Variants in C1orf94 observed in about 807,000 individuals in gnomAD.
C1orf94 encodes the protein chromosome 1 open reading frame 94, also known as uncharacterized protein C1orf94.
A neutral mutation model predicts 53.6 loss-of-function variants in C1orf94; 45 were observed. The observed-to-expected ratio is 0.84, with a 90% CI of 0.66 to 1.08. The LOEUF (loss-of-function observed/expected upper bound fraction) is 1.08. Ranked by LOEUF, C1orf94 falls within the 50% of genes least tolerant of loss-of-function variation. C1orf94 has a pLI of 0.00. For synonymous variants in C1orf94, 304 were observed against 296.1 expected, an observed-to-expected ratio of 1.03 and a Z score of -0.27; for missense variants, 762 against 738.9, an observed-to-expected ratio of 1.03 and a Z score of -0.36.
chr1:34,205,153 T>C (rs1281713105), intron 4 of C1orf94, among the ~76,000 whole-genome samples: 1 of 152,216 alleles, frequency 6.6e-6, no homozygotes, highest in African/African-American at 2.4e-5. Context: ...GACGGTCCTC[T>C]GTCTTTAGCA....
chr1:34,208,129 G>A, intron 4 of C1orf94, 28 bp from the exon 5 acceptor site: 1 of 1,611,576 alleles, frequency 6.2e-7, no homozygotes, highest in Non-Finnish European at 8.5e-7. Flanking sequence ...CCCTTGCCTG[G>A]CCATACTGAG....
At position 34,208,224 on chromosome 1, in the gene C1orf94, A is replaced by G. The variant is rs766297459; in HGVS notation, c.1514A>G (p.Tyr505Cys). The G allele has an allele frequency of 1.9e-6, 3 of 1,613,598 alleles. No individual in the cohort carries two copies. The highest frequency in any genetic ancestry group is 1.3e-5 in the African/African-American group (1 of 74,872). ...QQALHPQLGC[Y>C]SQQVMPYNPQ... ...GCTTTGCACCCGCAGCTGGGATGTT[A>G]CTCCCAACAGGTGAGTAGACGATCT... Residue 505 changes from tyrosine (Y) to cysteine (C), a missense_variant, in exon 5 of 7, where the codon TAC becomes TGC. By Grantham distance (194) the Tyr-to-Cys change is radical (BLOSUM62 -2). Coordinates refer to ENST00000488417, the MANE Select transcript of C1orf94 (RefSeq NM_001134734.2).
At chr1:34,214,731 C>T (rs375664094) in intron 6 of C1orf94, among the ~76,000 whole-genome samples, 4 of 151,970 alleles carry the variant, frequency 2.6e-5, no homozygotes, top group Non-Finnish European at 5.9e-5. Flanking sequence ...CTGCAGAGGT[C>T]GGAGGAGTGG....
At chr1:34,189,116 G>A (rs1182623177) in intron 1 of C1orf94, among the ~76,000 whole-genome samples, 2 of 151,998 alleles carry the variant, frequency 1.3e-5, no homozygotes, top group Non-Finnish European at 2.9e-5. Context: ...ATGGATGTGT[G>A]TTCATGTGTG....
At chr1:34,203,199 A>T (rs1187191085) in intron 4 of C1orf94, among the ~76,000 whole-genome samples, 2 of 152,144 alleles carry the variant, frequency 1.3e-5, no homozygotes, top group Non-Finnish European at 2.9e-5. Flanking sequence ...GTGCAGTGGC[A>T]TGACCTTGGC....
chr1:34,172,612 T>A (rs557710948), upstream of C1orf94, among the ~76,000 whole-genome samples: 1 of 152,268 alleles, frequency 6.6e-6, no homozygotes, highest in Admixed American at 6.5e-5. Context: ...CCTCCTCTCA[T>A]GTGGGCAAGG....
intron 1 of C1orf94, among the ~76,000 whole-genome samples, chr1:34,193,138 C>T (rs921630183): frequency 2.0e-5 from 3 of 151,862 alleles, no homozygotes; most frequent in Non-Finnish European, 2.9e-5. Context: ...AACTATATGG[C>T]GAATCTCGAT....
chr1:34,201,643 T>C (rs1309734880), intron 3 of C1orf94, among the ~76,000 whole-genome samples: 1 of 152,246 alleles, frequency 6.6e-6, no homozygotes, highest in Admixed American at 6.5e-5. Context: ...TTTCTTAGTG[T>C]TGCCAAATAT....
intron 1 of C1orf94, among the ~76,000 whole-genome samples, chr1:34,183,957 T>C (rs776122020): frequency 2.0e-5 from 3 of 152,142 alleles, no homozygotes; most frequent in Non-Finnish European, 4.4e-5. Context: ...TTATGAACTT[T>C]CAACATCTTG....
intron 1 of C1orf94, among the ~76,000 whole-genome samples, chr1:34,185,428 G>C (rs1380170651): frequency 6.6e-6 from 1 of 152,104 alleles, no homozygotes; most frequent in Non-Finnish European, 1.5e-5. Context: ...GATCCACCTG[G>C]CTTGGCCTCT....
At position 34,178,113 on chromosome 1, in the gene C1orf94, A is replaced by T; in HGVS notation, c.320+4A>T. The T allele has an allele frequency of 1.9e-6, 3 of 1,550,520 alleles. No individual in the cohort carries two copies. The highest frequency in any genetic ancestry group is 1.4e-5 in the African/African-American group (1 of 73,146). On this transcript the variant is annotated splice_donor_region_variant and intron_variant, in intron 1 of 6. Coordinates refer to ENST00000488417, the MANE Select transcript of C1orf94 (RefSeq NM_001134734.2). Reference sequence around the variant, plus strand: ...ATGAGCTCAGCTTTCAAGAAGAGTAAGTACCCCCCTACTCCATTGGCAGCA... The same window carrying T: ...ATGAGCTCAGCTTTCAAGAAGAGTATGTACCCCCCTACTCCATTGGCAGCA...
intron 1 of C1orf94, among the ~76,000 whole-genome samples, chr1:34,183,912 A>G (rs950065738): frequency 6.6e-6 from 1 of 152,100 alleles, no homozygotes; most frequent in Admixed American, 6.6e-5. Context: ...AAAAAATACA[A>G]TGGTGGAAAA....
chr1:34,184,582 C>T (rs1642358012), intron 1 of C1orf94, among the ~76,000 whole-genome samples: 1 of 152,218 alleles, frequency 6.6e-6, no homozygotes, highest in East Asian at 1.9e-4. Flanking sequence ...TGATTGGCAG[C>T]TTTCTGAGGC....
chr1:34,189,486 C>A (rs921436316), intron 1 of C1orf94, among the ~76,000 whole-genome samples: 5 of 152,134 alleles, frequency 3.3e-5, no homozygotes, highest in African/African-American at 1.2e-4. Flanking sequence ...ACCTCCCTTG[C>A]TTCCACACTG....
chr1:34,198,187 T>C (rs1214117185), intron 2 of C1orf94, among the ~76,000 whole-genome samples: 1 of 152,212 alleles, frequency 6.6e-6, no homozygotes, highest in Admixed American at 6.5e-5. Context: ...CATGTAGTAA[T>C]TGGCTTAACT....
At position 34,177,886 on chromosome 1, in the gene C1orf94, T is replaced by C. The variant is rs1251998603; in HGVS notation, c.97T>C (p.Ser33Pro). 1.9e-6 allele frequency: 3 copies of C among 1,551,514 alleles called. No individual in the cohort carries two copies. The highest frequency in any genetic ancestry group is 2.6e-6 in the Non-Finnish European group (3 of 1,146,952). Residue 33 changes from serine to proline, a missense_variant, in exon 1 of 7, where the codon TCC (serine) becomes CCC (proline). Ser to Pro is a moderately conservative substitution (Grantham distance 74, BLOSUM62 -1). Coordinates refer to ENST00000488417, the MANE Select transcript of C1orf94 (RefSeq NM_001134734.2). ...GGCCAGCGGGAATGGGCTTCCTTCA[T>C]CCTCGGCCCTGGTGGCCAAGGGCCC... Reference protein sequence around the residue: ...RMASGNGLPSSSALVAKGPCA... With the variant: ...RMASGNGLPSPSALVAKGPCA...
At chr1:34,209,835 A>G (rs1306330095) in intron 5 of C1orf94, among the ~76,000 whole-genome samples, 2 of 152,230 alleles carry the variant, frequency 1.3e-5, no homozygotes, top group South Asian at 4.1e-4. Flanking sequence ...TCCAGAGAGA[A>G]TATTTTTAAA....
At chr1:34,217,713 G>A (rs115509093) in intron 6 of C1orf94, among the ~76,000 whole-genome samples, 2,104 of 152,294 alleles carry the variant, frequency 0.014, 32 homozygotes, top group African/African-American at 0.038. Context: ...AATGAATGCC[G>A]TGGTCTATTT....
rs191090082 is a variant in C1orf94, at chr1:34,217,259, A to C, written c.1722-1427A>C. 2.3e-3 allele frequency among the ~76,000 whole-genome samples: 352 copies of C among 152,258 alleles called. 1 individual carries two copies. The highest frequency in any genetic ancestry group is 4.0e-3 in the Non-Finnish European group (273 of 68,018). On this transcript the variant is annotated intron_variant, in intron 6 of 6. Coordinates refer to ENST00000488417, the MANE Select transcript of C1orf94 (RefSeq NM_001134734.2). ...TCCTCTTCCTGGCCCTCTAGCGTACATACTGTCTAGATCATGCCGGTGGCC... is the reference window on the plus strand; with the variant it reads ...TCCTCTTCCTGGCCCTCTAGCGTACCTACTGTCTAGATCATGCCGGTGGCC...
Sources: allele counts gnomAD v4.1 joint callset (sites outside exome capture counted in the v4.1 genomes callset), GRCh38; gene constraint gnomAD v4.1.1; transcripts MANE v1.5; gene names NCBI Gene and HGNC (gene_info 2026-07-23, HGNC 2026-07-21).